CNR2: variants seen among roughly 807,000 people sequenced by gnomAD.
CNR2 encodes cannabinoid receptor 2.
For synonymous variants in CNR2, 172 were observed against 182.2 expected (o/e 0.94, Z 0.45); for missense variants, 379 against 439.9 (o/e 0.86, Z 1.24).
intron 1 of CNR2, among the ~76,000 whole-genome samples, chr1:23,877,120 A>G (rs1570700439): frequency 6.7e-6 from 1 of 149,102 alleles, no homozygotes; most frequent in Admixed American, 6.8e-5. Flanking sequence ...TCCACTTTCA[A>G]TAACTTCATA....
At chr1:23,912,632 C>G (rs1011170564) in intron 1 of CNR2, among the ~76,000 whole-genome samples, 3 of 152,250 alleles carry the variant, frequency 2.0e-5, no homozygotes, top group African/African-American at 4.8e-5. Context: ...AATCCAACCA[C>G]TAAAGGCTCT....
intron 1 of CNR2, among the ~76,000 whole-genome samples, chr1:23,900,381 A>G (rs1490481847): frequency 6.6e-6 from 1 of 152,004 alleles, no homozygotes; most frequent in Non-Finnish European, 1.5e-5. Context: ...CTCTATTGCA[A>G]TTCTCCTGTC....
chr1:23,906,200 G>A (rs1640483372), intron 1 of CNR2, among the ~76,000 whole-genome samples: 1 of 152,008 alleles, frequency 6.6e-6, no homozygotes, highest in South Asian at 2.1e-4. Context: ...CTAGCAGTGG[G>A]ACTCCAGGCC....
chr1:23,882,572 A>C (rs183139317), intron 1 of CNR2, among the ~76,000 whole-genome samples: 13 of 150,586 alleles, frequency 8.6e-5, no homozygotes, highest in Admixed American at 8.1e-4. Flanking sequence ...TTGGGAGGCC[A>C]AGGCGGGTGG....
In CNR2 at chr1:23,875,479, T is replaced by A; in HGVS notation, c.139A>T (p.Ser47Cys). 6.2e-7 allele frequency: 1 copy of A among 1,614,162 alleles called. No homozygotes were observed. Among genetic ancestry groups the A allele is most frequent in the South Asian group, 1.1e-5 (1 of 91,090 alleles). Residue 47 changes from serine to cysteine, a missense_variant, in exon 2 of 2, where the codon AGT becomes TGT. Transcript: ENST00000374472. Reference sequence around the variant, plus strand: ...AGCACAGCCACGTTCTCCAGGGCACTTAGCAGGCCCAGAAGAGTGCACAAC... The same window carrying A: ...AGCACAGCCACGTTCTCCAGGGCACATAGCAGGCCCAGAAGAGTGCACAAC... ...AVLCTLLGLL[S>C]ALENVAVLYL...
At chr1:23,902,829 C>G (rs984010387) in intron 1 of CNR2, 4 of 1,281,050 alleles carry the variant, frequency 3.1e-6, no homozygotes, top group South Asian at 5.1e-5. Context: ...CTGCGCTGCC[C>G]GGCCTTCCTG....
chr1:23,880,185 C>CTTTTTTTTTTTTTTTT (rs142971648), intron 1 of CNR2, among the ~76,000 whole-genome samples: 2 of 128,752 alleles, frequency 1.6e-5, no homozygotes, highest in Admixed American at 8.8e-5. Context: ...ACTTCCAACT[C>CTTTTTTTTTTTTTTTT]TTTTTTTTTT....
chr1:23,899,885 GAA>G (rs1640360665), intron 1 of CNR2, among the ~76,000 whole-genome samples: 1 of 1,288 alleles, frequency 7.8e-4, no homozygotes, highest in Non-Finnish European at 0.023. Context: ...GAGAGAGAAA[GAA>G]AGAAAGAGAA....
intron 1 of CNR2, among the ~76,000 whole-genome samples, chr1:23,894,449 GAAGGAAGGAAGGAAGGAAGC>G (rs71026700): frequency 0.81 from 117,991 of 144,970 alleles, 48,126 homozygotes; most frequent in Admixed American, 0.83. Flanking sequence ...TTAATAAAAG[GAAGGAAGGAAGGAAGGAAGC>G]AAGGAAGGAA....
chr1:23,873,432 C>CA lies in CNR2; in HGVS notation c.*1102dup, dbSNP rs35955796. 0.63 allele frequency: 96,115 copies of CA among 151,716 alleles called. 30,852 individuals carry two copies. The highest frequency in any genetic ancestry group is 0.76 in the African/African-American group (31,235 of 41,340). The allele number at this position is 151,716 out of a possible 1,614,324, so 9.4% of individuals were successfully genotyped here. On this transcript the variant is annotated 3_prime_UTR_variant, in exon 2 of 2. Coordinates refer to ENST00000374472, the MANE Select transcript of CNR2 (RefSeq NM_001841.3). ...TGTATTTTTAGTAGAGACAGGGTTT[C>CA]ACCATATTGGTCAGGCTGGTCTCAA...
At chr1:23,899,820 GAA>G (rs368967867) in intron 1 of CNR2, among the ~76,000 whole-genome samples, 1 of 58,214 alleles carries the variant, frequency 1.7e-5, no homozygotes, top group Admixed American at 2.2e-4. Flanking sequence ...CAGAAAGAAA[GAA>G]AGAAAAGAAA....
chr1:23,879,154 C>T (rs777912227), intron 1 of CNR2, among the ~76,000 whole-genome samples: 17 of 152,226 alleles, frequency 1.1e-4, no homozygotes, highest in South Asian at 2.1e-4. Context: ...ATTAGCCAGG[C>T]GTGGTGGTGT....
At chr1:23,907,600 C>T (rs560797977) in intron 1 of CNR2, 1 of 152,120 alleles carries the variant, frequency 6.6e-6, no homozygotes, top group Admixed American at 6.5e-5. Context: ...AAGCAGTTCT[C>T]CAGCCTCAGA....
chr1:23,879,659 A>G (rs966144178), intron 1 of CNR2, among the ~76,000 whole-genome samples: 1 of 152,182 alleles, frequency 6.6e-6, no homozygotes, highest in African/African-American at 2.4e-5. Context: ...AATGACAAAA[A>G]TGCAAGACAA....
At chr1:23,892,509 A>C (rs1056531369) in intron 1 of CNR2, among the ~76,000 whole-genome samples, 1 of 152,224 alleles carries the variant, frequency 6.6e-6, no homozygotes, top group Non-Finnish European at 1.5e-5. Context: ...AATGTCTATT[A>C]GGAGAAAAGC....
chr1:23,908,881 G>T (rs1640540994), intron 1 of CNR2, among the ~76,000 whole-genome samples: 1 of 152,130 alleles, frequency 6.6e-6, no homozygotes, highest in Non-Finnish European at 1.5e-5. Context: ...GGAACTTAGG[G>T]GTTGCCTCAA....
At chr1:23,904,814 C>T (rs1640461110) in intron 1 of CNR2, among the ~76,000 whole-genome samples, 1 of 152,192 alleles carries the variant, frequency 6.6e-6, no homozygotes. Flanking sequence ...ATGATGAGGA[C>T]TTTTCATGGT....
intron 1 of CNR2, among the ~76,000 whole-genome samples, chr1:23,912,676 C>G (rs1451968787): frequency 6.6e-6 from 1 of 152,204 alleles, no homozygotes; most frequent in Non-Finnish European, 1.5e-5. Context: ...AAGGCCATCT[C>G]TGTGTGTGTG....
intron 1 of CNR2, among the ~76,000 whole-genome samples, chr1:23,907,560 G>A (rs1336591960): frequency 2.0e-5 from 3 of 150,872 alleles, no homozygotes; most frequent in Non-Finnish European, 3.0e-5. Flanking sequence ...GCGTGATCTC[G>A]GCTCACTGCA....
Sources: allele counts gnomAD v4.1 joint callset (sites outside exome capture counted in the v4.1 genomes callset), GRCh38; gene constraint gnomAD v4.1.1; transcripts MANE v1.5; gene names NCBI Gene and HGNC (gene_info 2026-07-23, HGNC 2026-07-21).